The following CLEC9A variants were observed in gnomAD, a reference collection of about 807,000 sequenced individuals.
CLEC9A encodes the protein C-type lectin domain containing 9A.
Under a neutral mutation model 30.0 loss-of-function variants are expected in CLEC9A, and 24 were observed. The ratio of observed to expected loss-of-function variants is 0.80; its 90% CI spans 0.58 to 1.13. The LOEUF (loss-of-function observed/expected upper bound fraction) is 1.13, where lower values mean the gene tolerates loss of function less well. CLEC9A is among the 50% of genes most tolerant of loss of function. CLEC9A has a pLI of 0.00. For synonymous variants in CLEC9A, 111 were observed against 96.8 expected (o/e 1.15, Z -0.86); for missense variants, 251 against 280.9 (o/e 0.89, Z 0.76).
intron 4 of CLEC9A, 77 bp downstream of exon 4, chr12:10,052,855 A>G: frequency 6.7e-7 from 1 of 1,495,528 alleles, no homozygotes; most frequent in South Asian, 1.2e-5. Context: ...CATGAGGCCA[A>G]GATGTTTATT....
At chr12:10,045,608 C>G in intron 2 of CLEC9A, 1 of 269,688 alleles carries the variant, frequency 3.7e-6, no homozygotes. Flanking sequence ...CTGGCATGGC[C>G]AAGGTGGACC....
intron 1 of CLEC9A, among the ~76,000 whole-genome samples, chr12:10,038,511 A>C (rs527631960): frequency 1.4e-3 from 214 of 152,358 alleles, no homozygotes; most frequent in African/African-American, 4.9e-3. Flanking sequence ...ACATTCTGCT[A>C]ATTAGAGAAA....
intron 1 of CLEC9A, among the ~76,000 whole-genome samples, chr12:10,036,555 C>G (rs1865745872): frequency 1.3e-5 from 2 of 152,170 alleles, no homozygotes. Context: ...CCACAGTAGT[C>G]AACATCTTAT....
chr12:10,044,598 C>A (rs537070559), intron 2 of CLEC9A, among the ~76,000 whole-genome samples: 1 of 152,170 alleles, frequency 6.6e-6, no homozygotes, highest in Admixed American at 6.5e-5. Context: ...ATGACTGTTT[C>A]CTTCTTGTGA....
intron 8 of CLEC9A, 121 bp from the exon 9 acceptor site, chr12:10,065,379 C>A: frequency 9.9e-7 from 1 of 1,009,190 alleles, no homozygotes; most frequent in Non-Finnish European, 1.4e-6. Flanking sequence ...GAAACCACCA[C>A]AGGAAGTTGC....
intron 2 of CLEC9A, among the ~76,000 whole-genome samples, chr12:10,048,478 T>C (rs1284809493): frequency 6.6e-6 from 1 of 152,196 alleles, no homozygotes; most frequent in Non-Finnish European, 1.5e-5. Context: ...TTACCCATAG[T>C]AAACTTCTTT....
chr12:10,032,353 A>G (rs1012892343), intron 1 of CLEC9A, among the ~76,000 whole-genome samples: 1 of 150,496 alleles, frequency 6.6e-6, no homozygotes, highest in East Asian at 2.0e-4. Context: ...CTCCATCTGT[A>G]TATTAAAATC....
At chr12:10,045,642 G>A in intron 2 of CLEC9A, 2 of 244,612 alleles carry the variant, frequency 8.2e-6, no homozygotes, top group Non-Finnish European at 9.0e-6. Context: ...CAAGGAAAGG[G>A]GCAGGATATC....
chr12:10,041,117 G>A (rs747585388), intron 1 of CLEC9A: 1 of 158,856 alleles, frequency 6.3e-6, no homozygotes, highest in Non-Finnish European at 1.4e-5. Flanking sequence ...AGGGTGGTGG[G>A]TGCCTGTAAT....
intron 2 of CLEC9A, among the ~76,000 whole-genome samples, chr12:10,046,118 A>AT (rs1217415310): frequency 2.0e-5 from 3 of 152,216 alleles, no homozygotes; most frequent in Non-Finnish European, 4.4e-5. Context: ...AGTCACATAG[A>AT]TTTTTTAACT....
chr12:10,031,676 A>T (rs1865697684), intron 1 of CLEC9A, among the ~76,000 whole-genome samples: 1 of 152,164 alleles, frequency 6.6e-6, no homozygotes, highest in Non-Finnish European at 1.5e-5. Context: ...TAATCCCAGC[A>T]TTTTGGAAGG....
Position 10,061,110 on chromosome 12 carries a change from A to T in CLEC9A, c.173-17A>T. ...AAATGTCAGGATTTTATTAGGAATG[A>T]TTGCTATCATGTGAAGTGTTGCAGG... On this transcript the variant is annotated splice_polypyrimidine_tract_variant and intron_variant, in intron 5 of 8. Transcript: ENST00000355819. 1 of 1,605,262 alleles carries T rather than the reference A, an allele frequency of 6.2e-7. No homozygotes were observed. The highest frequency in any genetic ancestry group is 8.5e-7 in the Non-Finnish European group (1 of 1,177,168).
chr12:10,049,207 A>G lies in CLEC9A; in HGVS notation c.-162-2784A>G, dbSNP rs540461248. On this transcript the variant is annotated intron_variant, in intron 2 of 8. Transcript: ENST00000355819. ...ACAGTGAGCTTAAAATGCTCAGTAA[A>G]CAATGCTATAAACAAATGTGCTGTC... is the stretch of plus-strand genomic sequence containing the variant. 3.3e-5 allele frequency among the ~76,000 whole-genome samples: 5 copies of G among 152,316 alleles called. No homozygotes were observed. In the East Asian group the frequency reaches 9.6e-4, roughly 29 times the overall value.
chr12:10,060,925 A>G (rs1865990920), intron 5 of CLEC9A: 1 of 493,912 alleles, frequency 2.0e-6, no homozygotes, highest in Non-Finnish European at 3.3e-6. Flanking sequence ...CAAATTAAAA[A>G]TGGGTGCAAA....
chr12:10,053,645 A>G (rs966005945), intron 4 of CLEC9A, among the ~76,000 whole-genome samples: 1 of 152,190 alleles, frequency 6.6e-6, no homozygotes, highest in Admixed American at 6.5e-5. Flanking sequence ...TGACACTGGC[A>G]TGTTAGGCAG....
intron 1 of CLEC9A, among the ~76,000 whole-genome samples, chr12:10,036,848 C>T (rs1865747862): frequency 6.6e-6 from 1 of 152,194 alleles, no homozygotes; most frequent in Non-Finnish European, 1.5e-5. Context: ...TTAAACTTCT[C>T]TTCCCATGAT....
intron 1 of CLEC9A, among the ~76,000 whole-genome samples, chr12:10,039,148 G>A (rs554142786): frequency 6.6e-6 from 1 of 152,308 alleles, no homozygotes; most frequent in South Asian, 2.1e-4. Context: ...TCCTGGTGGT[G>A]TGTGATGGCT....
At chr12:10,047,719 G>T (rs1303785900) in intron 2 of CLEC9A, among the ~76,000 whole-genome samples, 1 of 152,090 alleles carries the variant, frequency 6.6e-6, no homozygotes, top group Non-Finnish European at 1.5e-5. Context: ...CTAAACTGTC[G>T]CCTATTGAGT....
rs1866040846 is a variant in CLEC9A, at chr12:10,065,777, TG to T, written c.*148del. On this transcript the variant is annotated 3_prime_UTR_variant, in exon 9 of 9. Coordinates refer to ENST00000355819, the MANE Select transcript of CLEC9A (RefSeq NM_207345.4). ...GCAACCTGGGACTCAATAATACACT[TG>T]GGAATATTCTTCCACACCGTCCAGA... 1 of 748,110 alleles carries T rather than the reference TG, an allele frequency of 1.3e-6. No homozygotes were observed. Among genetic ancestry groups the T allele is most frequent in the Non-Finnish European group, 2.1e-6 (1 of 468,412 alleles). The allele number at this position is 748,110 out of a possible 1,614,324, so 46.3% of individuals were successfully genotyped here.
Sources: gnomAD v4.1 joint callset for allele counts (sites outside exome capture counted in the v4.1 genomes callset) on GRCh38, gnomAD v4.1.1 for gene constraint, MANE v1.5 for transcripts, NCBI Gene and HGNC (gene_info 2026-07-23, HGNC 2026-07-21) for gene names.